The following KIDINS220 variants were observed in gnomAD, a reference collection of about 807,000 sequenced individuals.
KIDINS220 encodes kinase D-interacting substrate of 220 kDa.
In KIDINS220, 63 loss-of-function variants were observed where a neutral mutation model predicts 157.6. That is an observed-to-expected ratio of 0.40 (90% confidence interval 0.33 to 0.49). KIDINS220 has a LOEUF of 0.49. KIDINS220 is among the 20% of genes least tolerant of loss of function. KIDINS220 has a pLI of 0.66. For synonymous variants in KIDINS220, 732 were observed against 783.6 expected, an observed-to-expected ratio of 0.93 and a Z score of 1.10; for missense variants, 1,772 against 2,171.2, an observed-to-expected ratio of 0.82 and a Z score of 3.65.
intron 13 of KIDINS220, among the ~76,000 whole-genome samples, chr2:8,790,398 C>T (rs1673029731): frequency 6.6e-6 from 1 of 152,154 alleles, no homozygotes; most frequent in Admixed American, 6.5e-5. Context: ...TATGCATATG[C>T]ATATTGTTTC....
At chr2:8,803,328 A>C (rs1227483271) in intron 7 of KIDINS220, among the ~76,000 whole-genome samples, 1 of 152,204 alleles carries the variant, frequency 6.6e-6, no homozygotes. Context: ...TTTGTTTTTG[A>C]AAATACATTA....
chr2:8,746,914 C>A, intron 26 of KIDINS220: 1 of 472,354 alleles, frequency 2.1e-6, no homozygotes. Flanking sequence ...AAAACCCCAT[C>A]CCATGTATTG....
intron 22 of KIDINS220, among the ~76,000 whole-genome samples, chr2:8,758,786 T>A (rs575603683): frequency 7.2e-5 from 11 of 152,334 alleles, no homozygotes; most frequent in Admixed American, 2.0e-4. Context: ...TTTTCATAAC[T>A]ATTCCATGAG....
chr2:8,729,647 T>C lies in KIDINS220; in HGVS notation c.*1073A>G. On this transcript the variant is annotated 3_prime_UTR_variant, in exon 30 of 30. Transcript: ENST00000256707. The stretch of plus-strand genomic sequence containing the variant: ...TTTCCAAATTTTTTTTTAAAAAGTA[T>C]TTCCTTTCTTATGATCCTTCCCCAG... 1 of 983,704 alleles carries C rather than the reference T, an allele frequency of 1.0e-6. No homozygotes were observed. Among genetic ancestry groups the C allele is most frequent in the Non-Finnish European group, 1.2e-6 (1 of 828,348 alleles). The allele number at this position is 983,704 out of a possible 1,614,324, so 60.9% of individuals were successfully genotyped here. A position where few individuals can be genotyped will look rare whatever the true frequency, so the allele number is the denominator to read the frequency against.
At chr2:8,806,393 A>T (rs1683047106) in intron 6 of KIDINS220, 24 bp from the exon 7 acceptor site, 1 of 1,436,448 alleles carries the variant, frequency 7.0e-7, no homozygotes. Context: ...CAATAAATTT[A>T]AAATTATTAT....
At chr2:8,740,158 CTGTT>C (rs1292798778) in intron 26 of KIDINS220, 2 of 983,922 alleles carry the variant, frequency 2.0e-6, no homozygotes, top group Admixed American at 6.1e-5. Context: ...GTACCTGTCT[CTGTT>C]TGTTAAACCC....
chr2:8,829,323 C>G (rs1347089542), intron 1 of KIDINS220, among the ~76,000 whole-genome samples: 1 of 152,108 alleles, frequency 6.6e-6, no homozygotes, highest in Non-Finnish European at 1.5e-5. Flanking sequence ...AAGTATAAAT[C>G]AGTATACCTT....
intron 22 of KIDINS220, among the ~76,000 whole-genome samples, chr2:8,753,679 T>G (rs1667647744): frequency 6.6e-6 from 1 of 152,230 alleles, no homozygotes; most frequent in South Asian, 2.1e-4. Flanking sequence ...TTTCACGCCC[T>G]TCAAAAAGTG....
chr2:8,785,340 G>T (rs538389707), intron 17 of KIDINS220, among the ~76,000 whole-genome samples: 1 of 152,230 alleles, frequency 6.6e-6, no homozygotes, highest in Admixed American at 6.5e-5. Context: ...TATAATGGTG[G>T]ATACATGTTA....
intron 22 of KIDINS220, among the ~76,000 whole-genome samples, chr2:8,754,412 C>G (rs1225402398): frequency 6.6e-6 from 1 of 152,156 alleles, no homozygotes; most frequent in African/African-American, 2.4e-5. Context: ...AGATATTTTT[C>G]CAAAGGTTAG....
intron 6 of KIDINS220, among the ~76,000 whole-genome samples, chr2:8,810,571 A>G (rs1423322874): frequency 6.6e-6 from 1 of 152,208 alleles, no homozygotes; most frequent in Non-Finnish European, 1.5e-5. Flanking sequence ...GGATCACCTG[A>G]GCTCAGGAGT....
chr2:8,746,087 G>A (rs930470203), intron 26 of KIDINS220, among the ~76,000 whole-genome samples: 8 of 149,586 alleles, frequency 5.3e-5, no homozygotes, highest in Non-Finnish European at 1.0e-4. Context: ...TATTAAGTAC[G>A]AAGTCTTATA....
intron 26 of KIDINS220, among the ~76,000 whole-genome samples, chr2:8,744,374 AAAAAAAAAAAAAAAATATATATATAT>A (rs1197729457): frequency 0.036 from 191 of 5,314 alleles, 5 homozygotes; most frequent in South Asian, 0.06. Context: ...AAAAAAAAAA[AAAAAAAAAAAAAAAATATATATATAT>A]AATATATATA....
intron 22 of KIDINS220, chr2:8,757,575 T>G: frequency 6.5e-7 from 1 of 1,532,290 alleles, no homozygotes; most frequent in Middle Eastern, 1.7e-4. Context: ...GTACCTCTGG[T>G]TGCTGAAGTT....
At chr2:8,739,819 G>C (rs550327151) in intron 26 of KIDINS220, among the ~76,000 whole-genome samples, 1 of 152,256 alleles carries the variant, frequency 6.6e-6, no homozygotes, top group Admixed American at 6.5e-5. Context: ...TGTTTAAACT[G>C]TTAAAAATAA....
At chr2:8,803,734 G>A (rs918926644) in intron 7 of KIDINS220, among the ~76,000 whole-genome samples, 1 of 152,050 alleles carries the variant, frequency 6.6e-6, no homozygotes, top group Non-Finnish European at 1.5e-5. Context: ...ATCAGGCCAG[G>A]TACGATGACC....
chr2:8,727,034 A>G (rs1663388437), downstream of KIDINS220: 1 of 1,070,500 alleles, frequency 9.3e-7, no homozygotes, highest in Admixed American at 2.4e-5. Context: ...GTGATAAGCC[A>G]TTAAAAAAAC....
At chr2:8,787,930 C>G (rs1248430926) in intron 15 of KIDINS220, among the ~76,000 whole-genome samples, 1 of 152,122 alleles carries the variant, frequency 6.6e-6, no homozygotes, top group Non-Finnish European at 1.5e-5. Context: ...CCCAGGTTAA[C>G]CGCTCACATA....
chr2:8,766,393 CCTTA>C (rs1383850705), intron 22 of KIDINS220, among the ~76,000 whole-genome samples: 3 of 152,192 alleles, frequency 2.0e-5, no homozygotes, highest in African/African-American at 7.2e-5. Context: ...ATCCTGATCC[CCTTA>C]CTTAATGCAG....
Sources: allele counts gnomAD v4.1 joint callset (sites outside exome capture counted in the v4.1 genomes callset), GRCh38; gene constraint gnomAD v4.1.1; transcripts MANE v1.5; gene names NCBI Gene and HGNC (gene_info 2026-07-23, HGNC 2026-07-21).